RNASEH2B: variants seen among roughly 807,000 people sequenced by gnomAD.
RNASEH2B encodes the protein ribonuclease H2 subunit B.
A neutral mutation model predicts 45.0 loss-of-function variants in RNASEH2B; 36 were observed. The ratio of observed to expected loss-of-function variants is 0.80; its 90% CI spans 0.61 to 1.06. The LOEUF is 1.06. RNASEH2B is among the 50% of genes least tolerant of loss of function. The probability of loss-of-function intolerance (pLI) is 0.00; values close to 1 mark genes in which losing one functional copy is unlikely to be tolerated. For synonymous variants in RNASEH2B, 119 were observed against 125.7 expected, an observed-to-expected ratio of 0.95 and a Z score of 0.35; for missense variants, 361 against 360.3, an observed-to-expected ratio of 1.00 and a Z score of -0.02.
intron 2 of RNASEH2B, chr13:50,928,225 A>G (rs1182318776): frequency 1.3e-5 from 2 of 152,188 alleles, no homozygotes; most frequent in African/African-American, 2.4e-5. Context: ...TACTTGCCAT[A>G]TTAGAGGTTT....
At position 50,915,836 on chromosome 13, in the gene RNASEH2B, C is replaced by T. The variant is rs564529251; in HGVS notation, c.64+5696C>T. On this transcript the variant is annotated intron_variant, in intron 1 of 10. Transcript: ENST00000336617. ...TAGTCCCTGTTTCATTATCTGTCCC[C>T]GAAACAGCTAAGCTGGAGGCTGGCT... Among the ~76,000 whole-genome samples, 6 of 152,300 alleles carry T rather than the reference C, an allele frequency of 3.9e-5. No homozygotes were observed. The South Asian group carries it at 1.2e-3, about 32-fold the overall frequency.
intron 2 of RNASEH2B, among the ~76,000 whole-genome samples, chr13:50,927,990 CTT>C (rs879584514): frequency 2.8e-5 from 4 of 142,996 alleles, no homozygotes; most frequent in African/African-American, 2.6e-5. Context: ...CGTCAGGGGA[CTT>C]TTTTTTTTTT....
At chr13:50,949,529 C>A in intron 9 of RNASEH2B, 24 bp downstream of exon 9, 1 of 1,602,394 alleles carries the variant, frequency 6.2e-7, no homozygotes. Context: ...ACTAAGATAT[C>A]TTTGGGGGAC....
chr13:50,954,047 A>G (rs1206210580), intron 10 of RNASEH2B, 62 bp downstream of exon 10: 4 of 1,003,530 alleles, frequency 4.0e-6, no homozygotes, highest in South Asian at 2.6e-5. Context: ...GCATGAATAC[A>G]TGAGGAACAG....
intron 5 of RNASEH2B, chr13:50,936,847 A>C (rs1951758491): frequency 6.6e-6 from 1 of 152,198 alleles, no homozygotes; most frequent in Non-Finnish European, 1.5e-5. Context: ...TCTCTGTGTC[A>C]TCCCTTCCCT....
chr13:50,910,184 C>A, intron 1 of RNASEH2B, 44 bp downstream of exon 1: 1 of 1,329,868 alleles, frequency 7.5e-7, no homozygotes, highest in Non-Finnish European at 9.7e-7. Flanking sequence ...CAAGAACTGG[C>A]GGAGCGGCCC....
chr13:50,952,960 A>T (rs1951996129), intron 9 of RNASEH2B: 1 of 151,948 alleles, frequency 6.6e-6, no homozygotes. Context: ...TTTAGCACCA[A>T]CTCTACCCGT....
intron 4 of RNASEH2B, among the ~76,000 whole-genome samples, chr13:50,932,128 CT>C (rs1373270144): frequency 1.3e-5 from 2 of 152,298 alleles, no homozygotes; most frequent in African/African-American, 4.8e-5. Flanking sequence ...TATTGTCAAT[CT>C]TTCCCGTGAA....
intron 9 of RNASEH2B, 49 bp from the exon 10 acceptor site, chr13:50,953,856 G>A: frequency 3.3e-6 from 4 of 1,227,506 alleles, no homozygotes; most frequent in Non-Finnish European, 4.8e-6. Flanking sequence ...ATGGATTGAT[G>A]TTGTGTCAAA....
At chr13:50,927,118 GT>G (rs531203953) in intron 1 of RNASEH2B, 89 of 374,654 alleles carry the variant, frequency 2.4e-4, no homozygotes, top group African/African-American at 1.7e-3. Flanking sequence ...CTTGCCCAGG[GT>G]GACAAAGCTA....
At chr13:50,955,889 T>G (rs943859060) in intron 10 of RNASEH2B, 8 of 161,486 alleles carry the variant, frequency 5.0e-5, no homozygotes, top group Non-Finnish European at 8.2e-5. Context: ...TCTGGGATGC[T>G]TTGCAACACA....
intron 9 of RNASEH2B, among the ~76,000 whole-genome samples, chr13:50,962,553 T>G (rs906176136): frequency 1.3e-5 from 2 of 152,210 alleles, no homozygotes; most frequent in African/African-American, 4.8e-5. Context: ...TGATATTCCC[T>G]TTTTCATACC....
In RNASEH2B at chr13:50,935,055, A is replaced by C. The variant is rs1482346872; in HGVS notation, c.436+56A>C. 6.2e-6 allele frequency: 7 copies of C among 1,124,704 alleles called. No individual in the cohort carries two copies. In the Admixed American group the frequency reaches 1.2e-4, roughly 20 times the overall value. 69.7% of individuals were successfully genotyped at this position (1,124,704 alleles called of 1,614,324 possible). A position where few individuals can be genotyped will look rare whatever the true frequency, so the allele number is the denominator to read the frequency against. On this transcript the variant is annotated intron_variant, in intron 5 of 10. Coordinates refer to ENST00000336617, the MANE Select transcript of RNASEH2B (RefSeq NM_024570.4). The stretch of plus-strand genomic sequence containing the variant: ...TAGAAAGGATGGACCTTGCCTAAGA[A>C]CGTGGCTGCTTACAGACACACTGAA...
At chr13:50,967,413 G>C (rs768917430) in intron 9 of RNASEH2B, among the ~76,000 whole-genome samples, 10 of 152,198 alleles carry the variant, frequency 6.6e-5, no homozygotes, top group Non-Finnish European at 1.3e-4. Context: ...TAATAACAAA[G>C]ACTGGCAAAG....
At chr13:50,949,631 T>G in intron 9 of RNASEH2B, 126 bp downstream of exon 9, 1 of 834,650 alleles carries the variant, frequency 1.2e-6, no homozygotes, top group Non-Finnish European at 2.0e-6. Flanking sequence ...AGTGATGCCA[T>G]GTGGAATAAA....
At chr13:50,956,190 T>C in intron 10 of RNASEH2B, 168 bp from the exon 11 acceptor site, 1 of 597,938 alleles carries the variant, frequency 1.7e-6, no homozygotes, top group Non-Finnish European at 3.0e-6. Context: ...CTCTTAGGTC[T>C]GAATTCTGAA....
chr13:50,955,084 C>G (rs1178564203), intron 10 of RNASEH2B: 2 of 152,062 alleles, frequency 1.3e-5, no homozygotes, highest in Non-Finnish European at 2.9e-5. Flanking sequence ...CTTGTTTTAA[C>G]TTTTTCATTT....
chr13:50,917,435 GTTGTAACTTGTAC>G (rs1204823183), intron 1 of RNASEH2B, among the ~76,000 whole-genome samples: 1 of 152,224 alleles, frequency 6.6e-6, no homozygotes, highest in Non-Finnish European at 1.5e-5. Context: ...TTGGGTTCTA[GTTGTAACTTGTAC>G]TTGCCTTCAT....
intron 9 of RNASEH2B, among the ~76,000 whole-genome samples, chr13:50,968,023 G>C (rs1476017945): frequency 6.6e-6 from 1 of 152,148 alleles, no homozygotes; most frequent in Non-Finnish European, 1.5e-5. Flanking sequence ...ACAGTCCTGA[G>C]GTTTATATAT....
Sources: allele counts gnomAD v4.1 joint callset (sites outside exome capture counted in the v4.1 genomes callset), GRCh38; gene constraint gnomAD v4.1.1; transcripts MANE v1.5; gene names NCBI Gene and HGNC (gene_info 2026-07-23, HGNC 2026-07-21).